GARIN2: variants seen among roughly 807,000 people sequenced by gnomAD.
The protein encoded by GARIN2 is golgi associated RAB2 interactor family member 2.
the GARIN2 span, among the ~76,000 whole-genome samples, chr14:67,191,015 C>T: frequency 6.6e-6 from 1 of 152,204 alleles, no homozygotes; most frequent in Non-Finnish European, 1.5e-5. Flanking sequence ...AGGTGGATCA[C>T]CTGAGGTCAG....
chr14:67,214,487 G>A, the GARIN2 span, among the ~76,000 whole-genome samples: 331 of 152,202 alleles, frequency 2.2e-3, no homozygotes, highest in African/African-American at 7.2e-3. Context: ...GACGTGCGGC[G>A]TTATTTCTGA....
the GARIN2 span, chr14:67,221,886 G>A: frequency 6.4e-7 from 1 of 1,558,422 alleles, no homozygotes; most frequent in Non-Finnish European, 8.7e-7. Context: ...GAAGAGTAGT[G>A]TGGCTAAGAG....
chr14:67,222,663 G>T, the GARIN2 span, among the ~76,000 whole-genome samples: 88 of 152,200 alleles, frequency 5.8e-4, no homozygotes, highest in Non-Finnish European at 1.0e-3. Flanking sequence ...AGCCTGTAAC[G>T]AACTTTTAAT....
the GARIN2 span, chr14:67,205,098 C>A: frequency 1.3e-6 from 2 of 1,543,020 alleles, no homozygotes; most frequent in South Asian, 2.4e-5. Context: ...AGGTATGTGT[C>A]ACTGAAGACT....
At chr14:67,211,819 G>A in the GARIN2 span, among the ~76,000 whole-genome samples, 4 of 152,066 alleles carry the variant, frequency 2.6e-5, no homozygotes, top group East Asian at 1.9e-4. Flanking sequence ...ACTCCAGCCC[G>A]GGTGATGGAG....
At chr14:67,215,192 A>G in the GARIN2 span, among the ~76,000 whole-genome samples, 1 of 152,128 alleles carries the variant, frequency 6.6e-6, no homozygotes, top group Non-Finnish European at 1.5e-5. Context: ...CTGAAGCCCT[A>G]CAGTCAAAAT....
At chr14:67,221,632 C>A in the GARIN2 span, 2 of 1,161,744 alleles carry the variant, frequency 1.7e-6, no homozygotes, top group Non-Finnish European at 2.4e-6. Context: ...GTTCTATAAT[C>A]AGCAATGGCC....
chr14:67,202,964 G>C, the GARIN2 span: 1 of 992,242 alleles, frequency 1.0e-6, no homozygotes, highest in African/African-American at 1.6e-5. Context: ...GCATGAGCAA[G>C]TGAAGGAACA....
chr14:67,215,406 G>GTT, the GARIN2 span, among the ~76,000 whole-genome samples: 6 of 109,502 alleles, frequency 5.5e-5, no homozygotes, highest in East Asian at 5.6e-4. Flanking sequence ...CTGATCTATT[G>GTT]TTTTTTTTTT....
chr14:67,222,764 C>T, the GARIN2 span, among the ~76,000 whole-genome samples: 1 of 152,032 alleles, frequency 6.6e-6, no homozygotes, highest in Non-Finnish European at 1.5e-5. Context: ...AAGTTACTTT[C>T]AAACCTGGGA....
At chr14:67,221,759 T>C in the GARIN2 span, 1 of 1,612,742 alleles carries the variant, frequency 6.2e-7, no homozygotes, top group Non-Finnish European at 8.5e-7. Flanking sequence ...ATTTTTGAGA[T>C]GTGCTATTTA....
the GARIN2 span, among the ~76,000 whole-genome samples, chr14:67,216,136 C>T: frequency 1.3e-5 from 2 of 152,124 alleles, no homozygotes; most frequent in African/African-American, 4.8e-5. Flanking sequence ...ACATTTGTTA[C>T]AGTCAATGAA....
At chr14:67,200,320 C>T in the GARIN2 span, 3 of 658,746 alleles carry the variant, frequency 4.6e-6, no homozygotes, top group South Asian at 5.3e-5. Context: ...AGCCCTCTCC[C>T]TCAGTAAATT....
chr14:67,210,745 G>C, the GARIN2 span, among the ~76,000 whole-genome samples: 2 of 151,980 alleles, frequency 1.3e-5, no homozygotes, highest in Non-Finnish European at 2.9e-5. Flanking sequence ...GGTCATGATG[G>C]CTCAGACCTG....
the GARIN2 span, chr14:67,204,605 T>C: frequency 1.2e-6 from 2 of 1,613,762 alleles, no homozygotes; most frequent in Admixed American, 3.3e-5. Context: ...AAAGTAAAGC[T>C]GGTGAGTGGT....
the GARIN2 span, chr14:67,200,363 A>G: frequency 3.2e-6 from 2 of 628,810 alleles, no homozygotes; most frequent in South Asian, 1.9e-5. Context: ...CATCTTCCCA[A>G]TATCTTTTCG....
the GARIN2 span, chr14:67,204,577 G>A: frequency 6.2e-7 from 1 of 1,613,612 alleles, no homozygotes; most frequent in African/African-American, 1.3e-5. Context: ...TGTGCATGAT[G>A]CGGAGAACAT....
the GARIN2 span, chr14:67,199,325 G>C: frequency 1.2e-6 from 2 of 1,612,558 alleles, no homozygotes; most frequent in African/African-American, 2.7e-5. Context: ...GGTGAACAAG[G>C]CATCAGCTCA....
At chr14:67,197,332 A>AG in the GARIN2 span, 2 of 152,220 alleles carry the variant, frequency 1.3e-5, no homozygotes, top group Non-Finnish European at 2.9e-5. Context: ...TCTCCTAGAG[A>AG]GGACTGTGGC....
Sources: gnomAD v4.1 joint callset for allele counts (sites outside exome capture counted in the v4.1 genomes callset) on GRCh38, gnomAD v4.1.1 for gene constraint, MANE v1.5 for transcripts, NCBI Gene and HGNC (gene_info 2026-07-23, HGNC 2026-07-21) for gene names.